Variants in FTSJ3 observed in about 807,000 individuals in gnomAD.
FTSJ3 encodes pre-rRNA 2'-O-ribose RNA methyltransferase FTSJ3.
A neutral mutation model predicts 111.5 loss-of-function variants in FTSJ3; 46 were observed. The ratio of observed to expected loss-of-function variants is 0.41; its 90% CI spans 0.33 to 0.53. FTSJ3 has a LOEUF of 0.53. FTSJ3 is among the 20% of genes least tolerant of loss of function. The pLI is 0.19. For missense variants in FTSJ3, 1,075 were observed against 1,063.8 expected (o/e 1.01, Z -0.15); for synonymous variants, 408 against 383.0 (o/e 1.07, Z -0.76).
At position 63,827,463 on chromosome 17, in the gene FTSJ3, T is replaced by G; in HGVS notation, c.-438A>C. ...CGCTTGCGCGCCAAGACGGCTCGGA[T>G]GCCGGCGGTCTCTGCTGAAGAGAGA... On this transcript the variant is annotated 5_prime_UTR_variant, in exon 1 of 21. Coordinates refer to ENST00000427159, the MANE Select transcript of FTSJ3 (RefSeq NM_017647.4). 6.4e-7 allele frequency: 1 copy of G among 1,551,730 alleles called. No individual in the cohort carries two copies. The highest frequency in any genetic ancestry group is 8.7e-7 in the Non-Finnish European group (1 of 1,147,006).
intron 8 of FTSJ3, 43 bp downstream of exon 8, chr17:63,825,005 A>G (rs1265666186): frequency 1.9e-6 from 3 of 1,595,900 alleles, no homozygotes; most frequent in Non-Finnish European, 2.6e-6. Flanking sequence ...CAACCTCCCT[A>G]GAGTTCCAGG....
intron 4 of FTSJ3, 31 bp from the exon 5 acceptor site, chr17:63,826,166 A>T: frequency 6.2e-7 from 1 of 1,612,416 alleles, no homozygotes; most frequent in Non-Finnish European, 8.5e-7. Flanking sequence ...GTATTCTAAA[A>T]GGTTGCTTCA....
At chr17:63,820,497 C>CA in intron 18 of FTSJ3, 59 bp from the exon 19 acceptor site, 2 of 1,557,884 alleles carry the variant, frequency 1.3e-6, no homozygotes, top group Non-Finnish European at 1.8e-6. Context: ...AAGAAATTAC[C>CA]AGACTGGGCA....
Position 63,827,582 on chromosome 17 carries a change from G to C in FTSJ3, c.-557C>G, listed in dbSNP as rs577027967. 6.4e-7 allele frequency: 1 copy of C among 1,551,244 alleles called. No homozygotes were observed. Among genetic ancestry groups the C allele is most frequent in the Non-Finnish European group, 8.7e-7 (1 of 1,146,860 alleles). The stretch of plus-strand genomic sequence containing the variant: ...GTGCGGAGCGAGCGTGATCTGAGTG[G>C]AGAGCGGGCCGGGGCAGGAGCGTCG... On this transcript the variant is annotated 5_prime_UTR_variant, in exon 1 of 21. Coordinates refer to ENST00000427159, the MANE Select transcript of FTSJ3 (RefSeq NM_017647.4).
intron 16 of FTSJ3, 61 bp downstream of exon 16, chr17:63,821,293 T>A: frequency 6.5e-7 from 1 of 1,549,932 alleles, no homozygotes; most frequent in South Asian, 1.2e-5. Flanking sequence ...ACCCCCAATT[T>A]AGAGAAATGG....
chr17:63,819,740 C>T lies in FTSJ3; in HGVS notation c.*62G>A. ...TAGGCCGGTAATCAAGGGGGCCAGACTGAGCCATGCCACACCCTTCCTCCT... is the reference window on the plus strand; with the variant it reads ...TAGGCCGGTAATCAAGGGGGCCAGATTGAGCCATGCCACACCCTTCCTCCT... On this transcript the variant is annotated 3_prime_UTR_variant, in exon 21 of 21. Transcript: ENST00000427159. The T allele has an allele frequency of 6.7e-7, 1 of 1,484,064 alleles. No individual in the cohort carries two copies. 91.9% of individuals were successfully genotyped at this position (1,484,064 alleles called of 1,614,324 possible). A position where few individuals can be genotyped will look rare whatever the true frequency, so the allele number is the denominator to read the frequency against.
Position 63,824,897 on chromosome 17 carries a change from G to A in FTSJ3, c.744C>T (p.Leu248=). The A allele has an allele frequency of 6.3e-7, 1 of 1,592,370 alleles. No individual in the cohort carries two copies. Among genetic ancestry groups the A allele is most frequent in the Non-Finnish European group, 8.6e-7 (1 of 1,168,472 alleles). ...AGTCAGTGACTGAGGTACGGTGATA[G>A]AGAGTGAGGTCACCCTCAGCATAGC... ...AEGYAEGDLT[L]YHRTSVTDFL... The change falls in exon 9 of 21, where the codon CTC becomes CTT. Residue 248 remains leucine, a synonymous_variant. Coordinates refer to ENST00000427159, the MANE Select transcript of FTSJ3 (RefSeq NM_017647.4).
Position 63,820,926 on chromosome 17 carries a change from A to G in FTSJ3, c.1985T>C (p.Ile662Thr), listed in dbSNP as rs545130754. ...TAGAGCAAGGCCTTCGGGGTCCAGT[A>G]TCCGATGTTTCGCTAGAGAGGGAAG... ...VPIEDPAKHR[I>T]LDPEGLALGA... The change falls in exon 18 of 21, where the codon ATA (isoleucine) becomes ACA (threonine). Residue 662 changes from isoleucine to threonine, a missense_variant. Ile to Thr is a moderately conservative substitution (Grantham distance 89). Coordinates refer to ENST00000427159, the MANE Select transcript of FTSJ3 (RefSeq NM_017647.4). The G allele has an allele frequency of 3.1e-6, 5 of 1,614,174 alleles. No homozygotes were observed. In the East Asian group the frequency reaches 8.9e-5, roughly 29 times the overall value.
rs1197652258 is a variant in FTSJ3, at chr17:63,820,517, AC to A, written c.2073-80del. On this transcript the variant is annotated intron_variant, in intron 18 of 20. Transcript: ENST00000427159. ...ATTACCAGACTGGGCACGGTGGCTC[AC>A]GCCTGTAATCCCTGCACTTTGGGAG... The A allele has an allele frequency of 2.1e-6, 3 of 1,436,752 alleles. No individual in the cohort carries two copies. The Admixed American group carries it at 5.2e-5, about 25-fold the overall frequency. 89.0% of individuals were successfully genotyped at this position (1,436,752 alleles called of 1,614,324 possible).
chr17:63,825,882 C>T (rs1203049865), intron 5 of FTSJ3, 174 bp downstream of exon 5: 1 of 651,244 alleles, frequency 1.5e-6, no homozygotes, highest in Non-Finnish European at 2.7e-6. Context: ...ACCTTTATCC[C>T]TGACTCTAAA....
At chr17:63,824,596 C>T in intron 10 of FTSJ3, 41 bp downstream of exon 10, 1 of 1,532,282 alleles carries the variant, frequency 6.5e-7, no homozygotes, top group South Asian at 1.1e-5. Flanking sequence ...CCTTTCCCTG[C>T]CTCCAGGGCT....
At position 63,825,439 on chromosome 17, in the gene FTSJ3, G is replaced by A. The variant is rs780363599; in HGVS notation, c.401-3C>T. ...TAGAGCCATCAGTGTCAAATGGGCT[G>A]TAGGATAGAGACAATTAGTTGACGC... On this transcript the variant is annotated splice_polypyrimidine_tract_variant and splice_region_variant and intron_variant, in intron 6 of 20. Transcript: ENST00000427159. 1.9e-6 allele frequency: 3 copies of A among 1,614,154 alleles called. No homozygotes were observed. The South Asian group carries it at 3.3e-5, about 18-fold the overall frequency.
rs200242137 is a variant in FTSJ3, at chr17:63,819,983, T to G, written c.2363A>C (p.Lys788Thr). 39 of 1,614,038 alleles carry G rather than the reference T, an allele frequency of 2.4e-5. No homozygotes were observed. The highest frequency in any genetic ancestry group is 5.5e-5 in the South Asian group (5 of 91,090). The change falls in exon 21 of 21, where the codon AAG becomes ACG. Residue 788 changes from lysine (K) to threonine (T), a missense_variant. Physicochemically the swap from Lys to Thr is moderately conservative, Grantham distance 78. Transcript: ENST00000427159. The part of the protein sequence containing the change: ...KVAQLRSLYK[K>T]AGLGKEKRHV... ...GCGTTTCTCCTTGCCAAGCCCAGCC[T>G]TCTTGTAGAGACTACAGGGGGGAAG...
intron 13 of FTSJ3, among the ~76,000 whole-genome samples, chr17:63,823,084 A>C (rs1218736696): frequency 6.6e-6 from 1 of 152,042 alleles, no homozygotes; most frequent in East Asian, 1.9e-4. Flanking sequence ...ATAAGCCACA[A>C]AAGTTCATTT....
intron 12 of FTSJ3, 28 bp downstream of exon 12, chr17:63,824,056 C>T (rs773414825): frequency 1.2e-6 from 2 of 1,614,068 alleles, no homozygotes; most frequent in South Asian, 2.2e-5. Flanking sequence ...CGTTGGGGAA[C>T]TCCAAGCTCT....
In FTSJ3 at chr17:63,827,291, C is replaced by T; in HGVS notation, c.-266G>A. 3 of 656,130 alleles carry T rather than the reference C, an allele frequency of 4.6e-6. No individual in the cohort carries two copies. The highest frequency in any genetic ancestry group is 5.3e-6 in the Non-Finnish European group (2 of 378,688). 40.6% of individuals were successfully genotyped at this position (656,130 alleles called of 1,614,324 possible). A position where few individuals can be genotyped will look rare whatever the true frequency, so the allele number is the denominator to read the frequency against. On this transcript the variant is annotated 5_prime_UTR_variant, in exon 1 of 21. Coordinates refer to ENST00000427159, the MANE Select transcript of FTSJ3 (RefSeq NM_017647.4). ...GAGGCAACACTGAGGAGGAGTTCTACTCCTTCCTCATCCCCTTCCAAAGCC... is the reference window on the plus strand; with the variant it reads ...GAGGCAACACTGAGGAGGAGTTCTATTCCTTCCTCATCCCCTTCCAAAGCC...
chr17:63,820,970 A>G lies in FTSJ3; in HGVS notation c.1973-32T>C, dbSNP rs192706486. On this transcript the variant is annotated intron_variant, in intron 17 of 20. Coordinates refer to ENST00000427159, the MANE Select transcript of FTSJ3 (RefSeq NM_017647.4). ...AGGGAAGGAGAAAGGTCAAAGCTCA[A>G]TTCCCAATACTGAGACTTCCAGTGG... 636 of 1,611,096 alleles carry G rather than the reference A, an allele frequency of 3.9e-4. No individual in the cohort carries two copies. The African/African-American group carries it at 6.7e-3, about 17-fold the overall frequency.
chr17:63,825,440 T>C lies in FTSJ3; in HGVS notation c.401-4A>G, dbSNP rs1469095176. The C allele has an allele frequency of 3.1e-6, 5 of 1,613,986 alleles. No individual in the cohort carries two copies. The East Asian group carries it at 8.9e-5, about 29-fold the overall frequency. ...AGAGCCATCAGTGTCAAATGGGCTG[T>C]AGGATAGAGACAATTAGTTGACGCA... On this transcript the variant is annotated splice_polypyrimidine_tract_variant and splice_region_variant and intron_variant, in intron 6 of 20. Transcript: ENST00000427159.
At chr17:63,821,156 T>TA (rs751255989) in intron 16 of FTSJ3, 41 bp from the exon 17 acceptor site, 1 of 1,595,862 alleles carries the variant, frequency 6.3e-7, no homozygotes, top group South Asian at 1.1e-5. Context: ...CACCACTCTG[T>TA]ACTACTCAGA....
Sources: allele counts gnomAD v4.1 joint callset (sites outside exome capture counted in the v4.1 genomes callset), GRCh38; gene constraint gnomAD v4.1.1; transcripts MANE v1.5; gene names NCBI Gene and HGNC (gene_info 2026-07-23, HGNC 2026-07-21).